The following RAB14 variants were observed in gnomAD, a reference collection of about 807,000 sequenced individuals.
RAB14 encodes the protein ras-related protein Rab-14.
A neutral mutation model predicts 31.1 loss-of-function variants in RAB14; 3 were observed. The observed-to-expected ratio is 0.10, with a 90% CI of 0.04 to 0.25. The LOEUF (loss-of-function observed/expected upper bound fraction) is 0.25, where lower values mean the gene tolerates loss of function less well. Among genes scored for constraint, RAB14 ranks in the 10% least tolerant of loss-of-function variants. The pLI, the probability that RAB14 is intolerant of heterozygous loss-of-function variation, is 1.00. For missense variants in RAB14, 111 were observed against 260.1 expected (o/e 0.43, Z 3.94); for synonymous variants, 85 against 84.9 (o/e 1.00, Z 0.00).
At chr9:121,194,310 T>A (rs1227560911) in intron 1 of RAB14, among the ~76,000 whole-genome samples, 1 of 152,138 alleles carries the variant, frequency 6.6e-6, no homozygotes, top group African/African-American at 2.4e-5. Flanking sequence ...GTCATAAAAT[T>A]GTACTTATGG....
At chr9:121,183,740 G>A (rs1312016151) in intron 5 of RAB14, among the ~76,000 whole-genome samples, 1 of 152,054 alleles carries the variant, frequency 6.6e-6, no homozygotes, top group African/African-American at 2.4e-5. Context: ...ATCATCCTTA[G>A]TTCACAAGCC....
chr9:121,187,109 C>T, intron 4 of RAB14, 90 bp from the exon 5 acceptor site: 1 of 705,252 alleles, frequency 1.4e-6, no homozygotes, highest in Non-Finnish European at 2.1e-6. Context: ...TCAACATATC[C>T]TAAAATAATA....
chr9:121,181,230 G>T lies in RAB14; in HGVS notation c.*166C>A. On this transcript the variant is annotated 3_prime_UTR_variant, in exon 8 of 8. Coordinates refer to ENST00000373840, the MANE Select transcript of RAB14 (RefSeq NM_016322.4). Reference sequence around the variant, plus strand: ...GCCTTTGATAACCTGATTACATCTAGTTGTTTAGCAGTTTAGTATTGTGTT... The same window carrying T: ...GCCTTTGATAACCTGATTACATCTATTTGTTTAGCAGTTTAGTATTGTGTT... The T allele has an allele frequency of 1.6e-6, 1 of 631,296 alleles. No individual in the cohort carries two copies. Among genetic ancestry groups the T allele is most frequent in the Non-Finnish European group, 2.4e-6 (1 of 411,108 alleles). The allele number at this position is 631,296 out of a possible 1,614,324, so 39.1% of individuals were successfully genotyped here. A position where few individuals can be genotyped will look rare whatever the true frequency, so the allele number is the denominator to read the frequency against.
At chr9:121,191,423 GAACTTCT>G (rs780827100) in intron 3 of RAB14, among the ~76,000 whole-genome samples, 1 of 151,936 alleles carries the variant, frequency 6.6e-6, no homozygotes, top group Non-Finnish European at 1.5e-5. Flanking sequence ...CTGTAACCTC[GAACTTCT>G]GGGTTCAAGC....
chr9:121,182,581 G>C (rs1001694643), intron 7 of RAB14, among the ~76,000 whole-genome samples: 1 of 152,206 alleles, frequency 6.6e-6, no homozygotes, highest in Non-Finnish European at 1.5e-5. Context: ...AGGAAGAACA[G>C]ATTGACCAAG....
At chr9:121,186,005 A>G (rs2053657182) in intron 5 of RAB14, among the ~76,000 whole-genome samples, 3 of 152,200 alleles carry the variant, frequency 2.0e-5, no homozygotes, top group Admixed American at 1.3e-4. Context: ...CCATTTCCTG[A>G]TAAAAGCTCA....
In RAB14 at chr9:121,192,142, T is replaced by C. The variant is rs369041292; in HGVS notation, c.106+29A>G. On this transcript the variant is annotated intron_variant, in intron 3 of 7. Coordinates refer to ENST00000373840, the MANE Select transcript of RAB14 (RefSeq NM_016322.4). ...AGAAACATGGCGATAAAGAAAACTA[T>C]TAATGTTTACCTCATGTATTGAACT... 2.2e-5 allele frequency: 32 copies of C among 1,470,612 alleles called. No individual in the cohort carries two copies. In the Admixed American group the frequency reaches 3.0e-4, roughly 14 times the overall value. 91.1% of individuals were successfully genotyped at this position (1,470,612 alleles called of 1,614,324 possible).
intron 1 of RAB14, among the ~76,000 whole-genome samples, chr9:121,200,241 A>C (rs1373369139): frequency 1.3e-5 from 2 of 152,220 alleles, no homozygotes; most frequent in African/African-American, 4.8e-5. Flanking sequence ...GGAAGAAAAA[A>C]TTTGGAAAGG....
At position 121,181,330 on chromosome 9, in the gene RAB14, G is replaced by A; in HGVS notation, c.*66C>T. 1 of 1,415,348 alleles carries A rather than the reference G, an allele frequency of 7.1e-7. No individual in the cohort carries two copies. The highest frequency in any genetic ancestry group is 2.3e-5 in the Admixed American group (1 of 44,376). The allele number at this position is 1,415,348 out of a possible 1,614,324, so 87.7% of individuals were successfully genotyped here. On this transcript the variant is annotated 3_prime_UTR_variant, in exon 8 of 8. Transcript: ENST00000373840. Reference sequence around the variant, plus strand: ...AAGATGTACAGAAGACAATGAGGCAGTAAAAAGTACTGCTTCCAACAGACA... The same window carrying A: ...AAGATGTACAGAAGACAATGAGGCAATAAAAAGTACTGCTTCCAACAGACA...
At chr9:121,186,548 T>C (rs948236690) in intron 5 of RAB14, among the ~76,000 whole-genome samples, 1 of 152,174 alleles carries the variant, frequency 6.6e-6, no homozygotes, top group Admixed American at 6.6e-5. Flanking sequence ...GTAGTTGAAA[T>C]TTTTATTGAG....
chr9:121,183,811 T>A (rs1260840287), intron 5 of RAB14, among the ~76,000 whole-genome samples: 1 of 152,182 alleles, frequency 6.6e-6, no homozygotes, highest in African/African-American at 2.4e-5. Context: ...TGGTGACACC[T>A]GGTCTAGTCC....
intron 7 of RAB14, among the ~76,000 whole-genome samples, chr9:121,182,429 T>G (rs2053638321): frequency 6.6e-6 from 1 of 152,220 alleles, no homozygotes; most frequent in Admixed American, 6.5e-5. Flanking sequence ...CAAGAAATTT[T>G]TGGCCTAATA....
chr9:121,190,543 T>A lies in RAB14; in HGVS notation c.284+11A>T, dbSNP rs766828812. On this transcript the variant is annotated intron_variant, in intron 4 of 7. Coordinates refer to ENST00000373840, the MANE Select transcript of RAB14 (RefSeq NM_016322.4). ...TTTTCCCCATATGAAGGTTGAAAAATTATCTCTTACCTAGTGATATCATAG... is the reference window on the plus strand; with the variant it reads ...TTTTCCCCATATGAAGGTTGAAAAAATATCTCTTACCTAGTGATATCATAG... The A allele has an allele frequency of 2.6e-6, 4 of 1,554,756 alleles. No individual in the cohort carries two copies. The Admixed American group carries it at 7.7e-5, about 30-fold the overall frequency.
intron 4 of RAB14, among the ~76,000 whole-genome samples, chr9:121,188,717 A>G (rs2053671146): frequency 6.6e-6 from 1 of 152,108 alleles, no homozygotes; most frequent in Admixed American, 6.6e-5. Context: ...AATTGCTGTC[A>G]TGACTGCAAC....
chr9:121,201,414 G>A (rs962281027), intron 1 of RAB14, among the ~76,000 whole-genome samples: 2 of 152,064 alleles, frequency 1.3e-5, no homozygotes, highest in African/African-American at 4.8e-5. Flanking sequence ...AGGAGGCTCA[G>A]GCCGGAGCCG....
chr9:121,184,080 G>A (rs893728729), intron 5 of RAB14, among the ~76,000 whole-genome samples: 2 of 152,208 alleles, frequency 1.3e-5, no homozygotes, highest in African/African-American at 4.8e-5. Flanking sequence ...GTCACTCAGT[G>A]AGTCAGTGGT....
At chr9:121,183,493 A>G (rs2053644310) in intron 5 of RAB14, 95 bp from the exon 6 acceptor site, 3 of 953,314 alleles carry the variant, frequency 3.1e-6, no homozygotes, top group Middle Eastern at 2.5e-4. Flanking sequence ...GATAGAAAAA[A>G]TGACTGGGCC....
rs183920080 is a variant in RAB14, at chr9:121,178,702, T to C, written c.*2694A>G. ...TAAACCACCAACCAAAAAAAAATAA[T>C]AAGTTACTCCATCAAACACGTTATT... is the stretch of plus-strand genomic sequence containing the variant. On this transcript the variant is annotated 3_prime_UTR_variant, in exon 8 of 8. Coordinates refer to ENST00000373840, the MANE Select transcript of RAB14 (RefSeq NM_016322.4). The C allele has an allele frequency of 1.3e-5, 2 of 152,244 alleles. No individual in the cohort carries two copies. The allele number at this position is 152,244 out of a possible 1,614,324, so 9.4% of individuals were successfully genotyped here.
At chr9:121,185,988 TA>T (rs1293542881) in intron 5 of RAB14, among the ~76,000 whole-genome samples, 1 of 152,300 alleles carries the variant, frequency 6.6e-6, no homozygotes, top group East Asian at 1.9e-4. Context: ...TCAATATGAT[TA>T]AACCACCATT....
Sources: gnomAD v4.1 joint callset for allele counts (sites outside exome capture counted in the v4.1 genomes callset) on GRCh38, gnomAD v4.1.1 for gene constraint, MANE v1.5 for transcripts, NCBI Gene and HGNC (gene_info 2026-07-23, HGNC 2026-07-21) for gene names.